The following ANXA10 variants were observed in gnomAD, a reference collection of about 807,000 sequenced individuals.
ANXA10 encodes the protein annexin A10, also known as annexin 14.
Under a neutral mutation model 53.5 loss-of-function variants are expected in ANXA10, and 49 were observed. The ratio of observed to expected loss-of-function variants is 0.92; its 90% CI spans 0.73 to 1.16. ANXA10 has a LOEUF of 1.16. Ranked by LOEUF, ANXA10 falls within the 50% of genes most tolerant of loss-of-function variation. The pLI, the probability that ANXA10 is intolerant of heterozygous loss-of-function variation, is 0.00. For missense variants in ANXA10, 393 were observed against 394.4 expected, an observed-to-expected ratio of 1.00 and a Z score of 0.03; for synonymous variants, 131 against 128.9, an observed-to-expected ratio of 1.02 and a Z score of -0.11.
chr4:168,173,852 T>C (rs1732066272), intron 6 of ANXA10, among the ~76,000 whole-genome samples: 1 of 152,206 alleles, frequency 6.6e-6, no homozygotes, highest in South Asian at 2.1e-4. Context: ...TTTTTTACAC[T>C]GTTGCGCCCA....
At chr4:168,186,961 TTAC>T (rs1283312052) in intron 11 of ANXA10, among the ~76,000 whole-genome samples, 5 of 152,104 alleles carry the variant, frequency 3.3e-5, no homozygotes, top group South Asian at 4.1e-4. Flanking sequence ...TGAGGTAGAA[TTAC>T]TACATTAATA....
chr4:168,130,834 A>T (rs1424557709), intron 2 of ANXA10, among the ~76,000 whole-genome samples: 1 of 148,932 alleles, frequency 6.7e-6, no homozygotes, highest in Non-Finnish European at 1.5e-5. Context: ...CGTAAGTTTT[A>T]TCTCTCTCTC....
chr4:168,131,345 G>GT (rs879292550), intron 2 of ANXA10, among the ~76,000 whole-genome samples: 2 of 151,886 alleles, frequency 1.3e-5, no homozygotes, highest in African/African-American at 2.4e-5. Flanking sequence ...TATTTTGTAT[G>GT]TTTTTTATTA....
At chr4:168,119,812 GA>G (rs1459156245) in intron 1 of ANXA10, among the ~76,000 whole-genome samples, 1 of 152,088 alleles carries the variant, frequency 6.6e-6, no homozygotes, top group African/African-American at 2.4e-5. Flanking sequence ...TCAGTGGTAA[GA>G]TAGTGCTGGA....
intron 10 of ANXA10, among the ~76,000 whole-genome samples, chr4:168,182,053 A>C (rs1302571309): frequency 9.2e-5 from 14 of 152,192 alleles, no homozygotes; most frequent in Admixed American, 9.2e-4. Context: ...AAAGACCCCC[A>C]CATCAGACTT....
chr4:168,143,792 C>T (rs533516366), intron 3 of ANXA10, among the ~76,000 whole-genome samples: 95 of 152,272 alleles, frequency 6.2e-4, no homozygotes, highest in Admixed American at 1.7e-3. Context: ...CAATTTAGTG[C>T]CGGGGCTGAC....
intron 1 of ANXA10, among the ~76,000 whole-genome samples, chr4:168,105,995 T>G (rs1448082395): frequency 2.0e-5 from 3 of 152,176 alleles, no homozygotes; most frequent in Non-Finnish European, 4.4e-5. Context: ...TGTTTGTTTT[T>G]TCTTTGTAGA....
chr4:168,156,177 T>TATATATTATATATC lies in ANXA10; in HGVS notation c.196-6338_196-6337insCATATATTATATAT, dbSNP rs1233118862. ...ATATTATATATTATATATATTATAT[T>TATATATTATATATC]ATATATTATATATTATATATAATAT... On this transcript the variant is annotated intron_variant, in intron 3 of 11. Coordinates refer to ENST00000359299, the MANE Select transcript of ANXA10 (RefSeq NM_007193.5). 3.1e-4 allele frequency among the ~76,000 whole-genome samples: 6 copies of TATATATTATATATC among 19,094 alleles called. No individual in the cohort carries two copies. The South Asian group carries it at 5.5e-3, about 18-fold the overall frequency. The allele number at this position is 19,094 out of a possible 152,430, so 12.5% of individuals were successfully genotyped here.
chr4:168,092,538 T>A lies in ANXA10; in HGVS notation c.-163T>A, dbSNP rs1440251596. The A allele has an allele frequency of 1.5e-6, 1 of 656,206 alleles. No homozygotes were observed. The highest frequency in any genetic ancestry group is 2.6e-6 in the Non-Finnish European group (1 of 386,116). The allele number at this position is 656,206 out of a possible 1,614,324, so 40.6% of individuals were successfully genotyped here. Reference sequence around the variant, plus strand: ...ATACAGTATCTCAAGTCATGCTGTATCCAGATTTGCTTTTACATTTTCTTG... The same window carrying A: ...ATACAGTATCTCAAGTCATGCTGTAACCAGATTTGCTTTTACATTTTCTTG... On this transcript the variant is annotated 5_prime_UTR_variant, in exon 1 of 12. Transcript: ENST00000359299.
At chr4:168,162,732 A>G in intron 4 of ANXA10, 91 bp downstream of exon 4, 1 of 928,988 alleles carries the variant, frequency 1.1e-6, no homozygotes, top group Non-Finnish European at 1.7e-6. Flanking sequence ...CTACATACTT[A>G]TATGATCAAG....
chr4:168,159,696 T>C (rs966623853), intron 3 of ANXA10, among the ~76,000 whole-genome samples: 4 of 152,210 alleles, frequency 2.6e-5, no homozygotes, highest in Non-Finnish European at 4.4e-5. Flanking sequence ...AGTCTCTTTT[T>C]ACCCCTTAGT....
intron 8 of ANXA10, 125 bp from the exon 9 acceptor site, chr4:168,179,090 CAG>C (rs1732188448): frequency 1.6e-6 from 1 of 609,934 alleles, no homozygotes; most frequent in East Asian, 3.1e-5. Context: ...TTATAGCAAA[CAG>C]AATTGATAAC....
chr4:168,127,018 T>C (rs11730729), intron 1 of ANXA10, among the ~76,000 whole-genome samples: 1 of 152,184 alleles, frequency 6.6e-6, no homozygotes, highest in Non-Finnish European at 1.5e-5. Flanking sequence ...ACTTAATTAA[T>C]AGGAATGTCT....
chr4:168,126,236 G>T (rs1250741483), intron 1 of ANXA10, among the ~76,000 whole-genome samples: 5 of 152,108 alleles, frequency 3.3e-5, no homozygotes, highest in African/African-American at 7.2e-5. Context: ...CCATTATTAG[G>T]TTAAGTTAAA....
intron 1 of ANXA10, among the ~76,000 whole-genome samples, chr4:168,100,693 G>A (rs1354406282): frequency 1.3e-5 from 2 of 151,982 alleles, no homozygotes; most frequent in Non-Finnish European, 2.9e-5. Flanking sequence ...AAACCAATGT[G>A]GCAATTTCTG....
At chr4:168,136,922 A>G (rs997812709) in intron 2 of ANXA10, among the ~76,000 whole-genome samples, 5 of 152,158 alleles carry the variant, frequency 3.3e-5, no homozygotes, top group Non-Finnish European at 2.9e-5. Flanking sequence ...ATCCTTTAAA[A>G]TCTAGGCAAA....
At chr4:168,166,194 A>G (rs894695562) in intron 6 of ANXA10, among the ~76,000 whole-genome samples, 1 of 152,206 alleles carries the variant, frequency 6.6e-6, no homozygotes, top group African/African-American at 2.4e-5. Context: ...TGAAGAGCTA[A>G]TAAGTAGAAA....
intron 2 of ANXA10, among the ~76,000 whole-genome samples, chr4:168,131,341 G>C (rs1304168060): frequency 6.6e-6 from 1 of 152,052 alleles, no homozygotes; most frequent in Admixed American, 6.6e-5. Context: ...AGCATATTTT[G>C]TATGTTTTTT....
chr4:168,178,209 AT>A, intron 8 of ANXA10: 2 of 507,298 alleles, frequency 3.9e-6, no homozygotes, highest in Non-Finnish European at 7.0e-6. Context: ...AAAACTGAGC[AT>A]TTTAAAAATA....
Sources: gnomAD v4.1 joint callset for allele counts (sites outside exome capture counted in the v4.1 genomes callset) on GRCh38, gnomAD v4.1.1 for gene constraint, MANE v1.5 for transcripts, NCBI Gene and HGNC (gene_info 2026-07-23, HGNC 2026-07-21) for gene names.